The following CYP3A5 variants were observed in gnomAD, a reference collection of about 807,000 sequenced individuals.
The protein encoded by CYP3A5 is cytochrome P450 3A5.
A neutral mutation model predicts 55.9 loss-of-function variants in CYP3A5; 51 were observed. The observed-to-expected ratio is 0.91, with a 90% CI of 0.73 to 1.15. The LOEUF (loss-of-function observed/expected upper bound fraction) is 1.15. Among genes scored for constraint, CYP3A5 ranks in the 50% most tolerant of loss-of-function variants. The pLI is 0.00. For synonymous variants in CYP3A5, 196 were observed against 213.9 expected, an observed-to-expected ratio of 0.92 and a Z score of 0.73; for missense variants, 533 against 596.6, an observed-to-expected ratio of 0.89 and a Z score of 1.11.
At chr7:99,669,175 G>A (rs1811332756) in intron 4 of CYP3A5, among the ~76,000 whole-genome samples, 2 of 152,128 alleles carry the variant, frequency 1.3e-5, no homozygotes, top group African/African-American at 4.8e-5. Flanking sequence ...ATGAAAAGTG[G>A]ACAAATGACT....
intron 1 of CYP3A5, 43 bp from the exon 2 acceptor site, chr7:99,676,251 T>C (rs1563004412): frequency 1.2e-6 from 2 of 1,611,444 alleles, no homozygotes; most frequent in Non-Finnish European, 1.7e-6. Context: ...ATTGTGACTT[T>C]ATAGATCAGA....
In CYP3A5 at chr7:99,652,668, C is replaced by A; in HGVS notation, c.1138G>T (p.Asp380Tyr). The change falls in exon 11 of 13, where the codon GAT becomes TAT. Residue 380 changes from aspartate (D) to tyrosine (Y), a missense_variant. Asp to Tyr is a radical substitution (Grantham distance 160, BLOSUM62 -3). Transcript: ENST00000222982. ...ATGAATACCCCATTGATTTCAACAT[C>A]TTTCTTGCAAGTCCTCTCAAGTCTA... is the stretch of plus-strand genomic sequence containing the variant. ...AIRLERTCKK[D>Y]VEINGVFIPK... The A allele has an allele frequency of 6.2e-7, 1 of 1,614,132 alleles. No individual in the cohort carries two copies. Among genetic ancestry groups the A allele is most frequent in the African/African-American group, 1.3e-5 (1 of 75,026 alleles).
intron 4 of CYP3A5, among the ~76,000 whole-genome samples, chr7:99,669,936 A>G (rs931342487): frequency 3.9e-5 from 6 of 152,216 alleles, no homozygotes; most frequent in African/African-American, 7.2e-5. Context: ...ACATTTGATG[A>G]AGTATTATTG....
intron 4 of CYP3A5, among the ~76,000 whole-genome samples, chr7:99,672,073 A>G (rs1285231151): frequency 6.6e-6 from 1 of 150,680 alleles, no homozygotes; most frequent in Non-Finnish European, 1.5e-5. Context: ...GTTGTTTGAG[A>G]TGGAGTCTCA....
intron 12 of CYP3A5, 121 bp from the exon 13 acceptor site, chr7:99,648,521 A>G: frequency 3.0e-6 from 2 of 674,156 alleles, no homozygotes; most frequent in Non-Finnish European, 4.9e-6. Flanking sequence ...GACTCTTAAC[A>G]CCATGTATCT....
intron 10 of CYP3A5, among the ~76,000 whole-genome samples, chr7:99,654,487 G>A (rs555114607): frequency 6.6e-6 from 1 of 152,304 alleles, no homozygotes; most frequent in East Asian, 1.9e-4. Flanking sequence ...ATCATTATTG[G>A]ACATTTGGGT....
chr7:99,674,410 C>G, intron 3 of CYP3A5, 123 bp downstream of exon 3: 1 of 653,918 alleles, frequency 1.5e-6, no homozygotes, highest in Non-Finnish European at 2.6e-6. Flanking sequence ...GAGAACCTCT[C>G]TCTGTTTGTA....
In CYP3A5 at chr7:99,661,396, A is replaced by T. The variant is rs187762368; in HGVS notation, c.866-737T>A. ...TCAGGCAATACAAGATCTAGGGTACAGTTCTCAGAATGGACTATCTCAGGA... is the reference window on the plus strand; with the variant it reads ...TCAGGCAATACAAGATCTAGGGTACTGTTCTCAGAATGGACTATCTCAGGA... On this transcript the variant is annotated intron_variant, in intron 9 of 12. Transcript: ENST00000222982. Among the ~76,000 whole-genome samples, 110 of 152,348 alleles carry T rather than the reference A, an allele frequency of 7.2e-4. 1 individual carries two copies. The highest frequency in any genetic ancestry group is 2.5e-3 in the African/African-American group (106 of 41,592).
intron 11 of CYP3A5, among the ~76,000 whole-genome samples, chr7:99,650,733 T>C (rs1809098365): frequency 6.6e-6 from 1 of 152,026 alleles, no homozygotes; most frequent in Admixed American, 6.6e-5. Context: ...ACCTTCCCCG[T>C]CCACCTTCTC....
chr7:99,671,010 T>C (rs569365649), intron 4 of CYP3A5: 28 of 152,302 alleles, frequency 1.8e-4, no homozygotes, highest in African/African-American at 6.7e-4. Context: ...GTTCAATGAT[T>C]TTGAAAGACC....
chr7:99,676,604 G>A (rs368928587), intron 1 of CYP3A5: 2 of 1,312,176 alleles, frequency 1.5e-6, no homozygotes, highest in Non-Finnish European at 2.0e-6. Flanking sequence ...GATTTTTTTT[G>A]TCTTTTGCAC....
intron 1 of CYP3A5, 195 bp from the exon 2 acceptor site, chr7:99,676,403 T>C: frequency 6.6e-7 from 1 of 1,507,608 alleles, no homozygotes; most frequent in South Asian, 1.1e-5. Context: ...CCCTGAAAAG[T>C]CTCAATGATT....
chr7:99,664,010 A>G lies in CYP3A5; in HGVS notation c.756T>C (p.Ser252=). ...GGCGACTTTTCTTCATTCTGTTTAC[A>G]GATTTACTTAAAAAATTTATGGTAT... is the stretch of plus-strand genomic sequence containing the variant. ...PKDTINFLSK[S]VNRMKKSRLN... Residue 252 remains serine (S), a synonymous_variant, in exon 8 of 13, where the codon TCT becomes TCC. Transcript: ENST00000222982. The G allele has an allele frequency of 6.3e-7, 1 of 1,597,902 alleles. No homozygotes were observed. Among genetic ancestry groups the G allele is most frequent in the Non-Finnish European group, 8.5e-7 (1 of 1,176,396 alleles).
chr7:99,656,723 G>T (rs1809776625), intron 10 of CYP3A5, among the ~76,000 whole-genome samples: 2 of 152,006 alleles, frequency 1.3e-5, no homozygotes, highest in Admixed American at 6.5e-5. Context: ...GACTTTTTTT[G>T]GTTGGTAAGC....
chr7:99,652,534 T>C lies in CYP3A5; in HGVS notation c.1253+19A>G. 6.4e-7 allele frequency: 1 copy of C among 1,568,052 alleles called. No homozygotes were observed. Among genetic ancestry groups the C allele is most frequent in the Non-Finnish European group, 8.7e-7 (1 of 1,149,688 alleles). On this transcript the variant is annotated intron_variant, in intron 11 of 12. Transcript: ENST00000222982. ...CCAGCCTGGGTCAGGGTGAGCTCCATTTCCCTGGAGACTTGTACCTTTCAG... is the reference window on the plus strand; with the variant it reads ...CCAGCCTGGGTCAGGGTGAGCTCCACTTCCCTGGAGACTTGTACCTTTCAG...
intron 10 of CYP3A5, among the ~76,000 whole-genome samples, chr7:99,655,595 GT>G (rs994019824): frequency 3.9e-5 from 6 of 152,196 alleles, no homozygotes; most frequent in Non-Finnish European, 5.9e-5. Context: ...CTTTAAAGTA[GT>G]TTTTTCCAGT....
Position 99,662,722 on chromosome 7 carries a change from C to T in CYP3A5, c.865+94G>A. The T allele has an allele frequency of 7.9e-7, 1 of 1,263,816 alleles. No individual in the cohort carries two copies. Among genetic ancestry groups the T allele is most frequent in the East Asian group, 2.3e-5 (1 of 42,632 alleles). The allele number at this position is 1,263,816 out of a possible 1,614,324, so 78.3% of individuals were successfully genotyped here. ...GTTGTTCTGCTATGTGGCAAAAATT[C>T]TCATCTTCCTGGAATACTTCCTGCA... On this transcript the variant is annotated intron_variant, in intron 9 of 12. Transcript: ENST00000222982. This position sits in a 1 kb window ranked among gnomAD's most constrained non-coding sequence, Gnocchi z 4.3.
rs116806225 is a variant in CYP3A5, at chr7:99,670,543, A to C, written c.318+2037T>G. Among the ~76,000 whole-genome samples, 486 of 152,334 alleles carry C rather than the reference A, an allele frequency of 3.2e-3. 1 individual carries two copies. Among genetic ancestry groups the C allele is most frequent in the African/African-American group, 0.011 (473 of 41,586 alleles). On this transcript the variant is annotated intron_variant, in intron 4 of 12. Coordinates refer to ENST00000222982, the MANE Select transcript of CYP3A5 (RefSeq NM_000777.5). ...TTGGTATATTTGCAACTCCATTTTC[A>C]GTCGACATATATATGTTACCTGGCA...
intron 10 of CYP3A5, chr7:99,660,215 T>A (rs1810280500): frequency 2.3e-6 from 1 of 434,032 alleles, no homozygotes; most frequent in Non-Finnish European, 2.7e-6. Flanking sequence ...GCCACACTCC[T>A]TTTTTTTTTT....
Sources: allele counts gnomAD v4.1 joint callset (sites outside exome capture counted in the v4.1 genomes callset), GRCh38; gene constraint gnomAD v4.1.1; non-coding constraint Gnocchi (gnomAD v3.1); transcripts MANE v1.5; gene names NCBI Gene and HGNC (gene_info 2026-07-23, HGNC 2026-07-21).